CATSPERD: variants seen among roughly 807,000 people sequenced by gnomAD.
The protein encoded by CATSPERD is cation channel sperm-associated auxiliary subunit delta.
CATSPERD carries 86 observed loss-of-function variants against 98.1 expected under a neutral mutation model. The observed-to-expected ratio is 0.88, with a 90% CI of 0.74 to 1.05. The LOEUF is 1.05. Among genes scored for constraint, CATSPERD ranks in the 50% least tolerant of loss-of-function variants. CATSPERD has a pLI of 0.00. For synonymous variants in CATSPERD, 394 were observed against 390.2 expected, an observed-to-expected ratio of 1.01 and a Z score of -0.12; for missense variants, 995 against 1,005.7, an observed-to-expected ratio of 0.99 and a Z score of 0.14.
At chr19:5,770,906 TCA>T (rs753439002) in intron 18 of CATSPERD, 36 bp from the exon 19 acceptor site, 2 of 1,571,270 alleles carry the variant, frequency 1.3e-6, no homozygotes, top group South Asian at 1.2e-5. Context: ...GGGCAGGAAC[TCA>T]CAGACTCCCC....
intron 14 of CATSPERD, among the ~76,000 whole-genome samples, chr19:5,758,390 T>G (rs1033262177): frequency 1.3e-5 from 2 of 151,984 alleles, no homozygotes; most frequent in Admixed American, 6.6e-5. Flanking sequence ...GGCCGTTGTT[T>G]CTGTGAGCTT....
In CATSPERD at chr19:5,733,834, T is replaced by C. The variant is rs188708147; in HGVS notation, c.277-22T>C. The C allele has an allele frequency of 1.6e-4, 236 of 1,467,752 alleles. 2 individuals are homozygous for C. The East Asian group carries it at 3.9e-3, about 24-fold the overall frequency. 90.9% of individuals were successfully genotyped at this position (1,467,752 alleles called of 1,614,324 possible). A position where few individuals can be genotyped will look rare whatever the true frequency, so the allele number is the denominator to read the frequency against. ...GTTTGAAAAGATGCTCTCATTGATA[T>C]CATCCATATGATAACTTTTAGGTCG... On this transcript the variant is annotated intron_variant, in intron 4 of 21. Transcript: ENST00000381624.
At chr19:5,735,981 G>A (rs920538091) in intron 5 of CATSPERD, among the ~76,000 whole-genome samples, 4 of 151,096 alleles carry the variant, frequency 2.6e-5, no homozygotes, top group South Asian at 4.2e-4. Flanking sequence ...GGGGTTTCAC[G>A]GTGTTAGCCA....
At chr19:5,755,705 G>A (rs972176647) in intron 13 of CATSPERD, among the ~76,000 whole-genome samples, 8 of 151,896 alleles carry the variant, frequency 5.3e-5, no homozygotes, top group African/African-American at 1.7e-4. Context: ...CCCAGGAGGC[G>A]GAGGTTGCGG....
At chr19:5,763,165 C>T (rs375817185) in intron 15 of CATSPERD, 50 bp from the exon 16 acceptor site, 11 of 1,392,902 alleles carry the variant, frequency 7.9e-6, no homozygotes, top group South Asian at 3.5e-5. Flanking sequence ...GCAGCTGTGT[C>T]GTTTACAGGG....
At position 5,740,098 on chromosome 19, in the gene CATSPERD, A is replaced by G. The variant is rs573562588; in HGVS notation, c.573+659A>G. 1.1e-4 allele frequency among the ~76,000 whole-genome samples: 16 copies of G among 151,916 alleles called. No individual in the cohort carries two copies. In the South Asian group the frequency reaches 2.3e-3, roughly 22 times the overall value. On this transcript the variant is annotated intron_variant, in intron 7 of 21. Transcript: ENST00000381624. Reference sequence around the variant, plus strand: ...GGAGTTCAAGACCAGCCTGACTAACATGGAGAAACCCCGTCTCTACTAAAA... The same window carrying G: ...GGAGTTCAAGACCAGCCTGACTAACGTGGAGAAACCCCGTCTCTACTAAAA...
intron 12 of CATSPERD, among the ~76,000 whole-genome samples, chr19:5,753,294 C>G (rs1462417087): frequency 6.6e-6 from 1 of 152,062 alleles, no homozygotes; most frequent in Admixed American, 6.6e-5. Context: ...GGCGCGGTGG[C>G]TCACGCCTGT....
At chr19:5,749,234 G>A in intron 11 of CATSPERD, 51 bp downstream of exon 11, 1 of 1,370,568 alleles carries the variant, frequency 7.3e-7, no homozygotes, top group Non-Finnish European at 1.0e-6. Context: ...GTTCACGCCT[G>A]TCATCCCAGC....
rs1487675181 is a variant in CATSPERD, at chr19:5,729,886, T to C, written c.218T>C (p.Phe73Ser). The C allele has an allele frequency of 6.9e-6, 11 of 1,591,078 alleles. No individual in the cohort carries two copies. Among genetic ancestry groups the C allele is most frequent in the Non-Finnish European group, 9.4e-6 (11 of 1,164,616 alleles). Reference protein sequence around the residue: ...IALYLGKQVFFTMDNFETSLL... With the variant: ...IALYLGKQVFSTMDNFETSLL... Reference sequence around the variant, plus strand: ...GTTTATTTCAGGAAACAAGTTTTTTTCACAATGGATAACTTTGAGACTAGT... The same window carrying C: ...GTTTATTTCAGGAAACAAGTTTTTTCCACAATGGATAACTTTGAGACTAGT... The change falls in exon 4 of 22, where the codon TTC becomes TCC. Residue 73 changes from phenylalanine (F) to serine (S), a missense_variant. This residue lies in a region of CATSPERD where 228 missense variants were observed against 209.6 expected (regional missense o/e 1.09). Coordinates refer to ENST00000381624, the MANE Select transcript of CATSPERD (RefSeq NM_152784.4).
intron 1 of CATSPERD, 148 bp downstream of exon 1, chr19:5,720,956 A>T: frequency 1.8e-6 from 1 of 561,262 alleles, no homozygotes; most frequent in Non-Finnish European, 3.0e-6. Flanking sequence ...CGCTCACCCT[A>T]CTCCACCCCA....
intron 18 of CATSPERD, among the ~76,000 whole-genome samples, chr19:5,768,628 G>A (rs988685736): frequency 6.6e-6 from 1 of 151,178 alleles, no homozygotes; most frequent in African/African-American, 2.4e-5. Context: ...GAGCCACCGC[G>A]CCCGGCCTAT....
chr19:5,764,480 TA>T (rs2056503067), intron 16 of CATSPERD, among the ~76,000 whole-genome samples: 3 of 151,514 alleles, frequency 2.0e-5, no homozygotes, highest in Admixed American at 2.0e-4. Context: ...CATGCCTGGC[TA>T]ATTTTTTTTG....
intron 15 of CATSPERD, among the ~76,000 whole-genome samples, chr19:5,762,817 T>TGGATGAGATAGATGGAA (rs1568367644): frequency 1.3e-5 from 2 of 150,588 alleles, no homozygotes; most frequent in Non-Finnish European, 1.5e-5. Context: ...GATAGATGGA[T>TGGATGAGATAGATGGAA]GGATGGATAA....
In CATSPERD at chr19:5,754,032, G is replaced by C. The variant is rs999536518; in HGVS notation, c.1165-100G>C. On this transcript the variant is annotated intron_variant, in intron 12 of 21. Transcript: ENST00000381624. The stretch of plus-strand genomic sequence containing the variant: ...GACAGAGGCACAAGTGGAGATTCAG[G>C]CTGCAGGACCAGGAGGGTCCCTTCC... The C allele has an allele frequency of 1.4e-5, 11 of 764,518 alleles. No individual in the cohort carries two copies. In the South Asian group the frequency reaches 1.5e-4, roughly 11 times the overall value. The allele number at this position is 764,518 out of a possible 1,614,324, so 47.4% of individuals were successfully genotyped here.
chr19:5,754,587 G>A (rs374317161), intron 13 of CATSPERD, among the ~76,000 whole-genome samples: 2 of 151,780 alleles, frequency 1.3e-5, no homozygotes, highest in Non-Finnish European at 2.9e-5. Flanking sequence ...TAGTGGAGAC[G>A]GGGTTCCCCC....
intron 20 of CATSPERD, among the ~76,000 whole-genome samples, chr19:5,773,336 G>T (rs1307320927): frequency 6.6e-6 from 1 of 152,122 alleles, no homozygotes; most frequent in Non-Finnish European, 1.5e-5. Flanking sequence ...GATCTAGCAG[G>T]AACCCCAATT....
At chr19:5,733,335 C>CTTTCTTTCTTTCTTTCTTTCTTT (rs1307265155) in intron 4 of CATSPERD, among the ~76,000 whole-genome samples, 1 of 122,888 alleles carries the variant, frequency 8.1e-6, no homozygotes, top group African/African-American at 3.3e-5. Context: ...TTCTTTCTTT[C>CTTTCTTTCTTTCTTTCTTTCTTT]CTTTCTTTCT....
chr19:5,764,733 C>G (rs1030281307), intron 16 of CATSPERD, among the ~76,000 whole-genome samples: 5 of 152,128 alleles, frequency 3.3e-5, no homozygotes, highest in African/African-American at 1.2e-4. Flanking sequence ...TCTGCTTCAG[C>G]CTCCCGAGTA....
rs112901936 is a variant in CATSPERD, at chr19:5,742,187, C to T, written c.574-2240C>T. On this transcript the variant is annotated intron_variant, in intron 7 of 21. Coordinates refer to ENST00000381624, the MANE Select transcript of CATSPERD (RefSeq NM_152784.4). ...GTGTGCGTGTGTGTATGTATGTGAA[C>T]GTGTGTGCGTGTACATGTGTGCATG... 2.8e-4 allele frequency among the ~76,000 whole-genome samples: 40 copies of T among 140,610 alleles called. 1 individual carries two copies. The highest frequency in any genetic ancestry group is 9.7e-4 in the African/African-American group (36 of 37,214). 92.2% of individuals were successfully genotyped at this position (140,610 alleles called of 152,430 possible).
Sources: gnomAD v4.1 joint callset for allele counts (sites outside exome capture counted in the v4.1 genomes callset) on GRCh38, gnomAD v4.1.1 for gene constraint, gnomAD v4.1.1 regional missense constraint, MANE v1.5 for transcripts, NCBI Gene and HGNC (gene_info 2026-07-23, HGNC 2026-07-21) for gene names.